The following TMOD2 variants were observed in gnomAD, a reference collection of about 807,000 sequenced individuals.
TMOD2 encodes tropomodulin-2.
TMOD2 carries 22 observed loss-of-function variants against 39.9 expected under a neutral mutation model. The ratio of observed to expected loss-of-function variants is 0.55; its 90% CI spans 0.39 to 0.79. The LOEUF (loss-of-function observed/expected upper bound fraction) is 0.79, where lower values mean the gene tolerates loss of function less well. Among genes scored for constraint, TMOD2 ranks in the 30% least tolerant of loss-of-function variants. TMOD2 has a pLI of 0.00. For synonymous variants in TMOD2, 123 were observed against 146.1 expected, an observed-to-expected ratio of 0.84 and a Z score of 1.14; for missense variants, 386 against 413.3, an observed-to-expected ratio of 0.93 and a Z score of 0.57.
chr15:51,771,560 G>A (rs2055853944), intron 3 of TMOD2, among the ~76,000 whole-genome samples: 1 of 152,210 alleles, frequency 6.6e-6, no homozygotes, highest in South Asian at 2.1e-4. Flanking sequence ...AGCACTTTGG[G>A]AGGCCAAGGC....
chr15:51,789,476 C>G (rs2055994534), intron 7 of TMOD2, among the ~76,000 whole-genome samples: 1 of 152,102 alleles, frequency 6.6e-6, no homozygotes, highest in African/African-American at 2.4e-5. Context: ...ACAAGGATAT[C>G]CAGGACTTGA....
At chr15:51,797,036 T>C (rs542819670) in intron 7 of TMOD2, among the ~76,000 whole-genome samples, 1 of 152,372 alleles carries the variant, frequency 6.6e-6, no homozygotes, top group East Asian at 1.9e-4. Context: ...GATTTCATCA[T>C]ACCACTCAGA....
Position 51,781,651 on chromosome 15 carries a change from T to C in TMOD2, c.624+477T>C, listed in dbSNP as rs75812164. On this transcript the variant is annotated intron_variant, in intron 6 of 9. Transcript: ENST00000249700. ...GGCAGGAGGCCTCCATTTCTCACCA[T>C]GTGGCTCCCCAGAGCGAGTGATCCA... Among the ~76,000 whole-genome samples, 260 of 152,292 alleles carry C rather than the reference T, an allele frequency of 1.7e-3. 11 individuals carry two copies. The highest frequency in any genetic ancestry group is 0.017 in the East Asian group (87 of 5,176).
At chr15:51,760,671 TG>T (rs2055774338) in intron 1 of TMOD2, among the ~76,000 whole-genome samples, 1 of 152,030 alleles carries the variant, frequency 6.6e-6, no homozygotes, top group African/African-American at 2.4e-5. Flanking sequence ...CTGGGTATGG[TG>T]GTGCATGCCT....
At chr15:51,773,191 G>C (rs1409370886) in intron 3 of TMOD2, among the ~76,000 whole-genome samples, 1 of 152,210 alleles carries the variant, frequency 6.6e-6, no homozygotes, top group Non-Finnish European at 1.5e-5. Flanking sequence ...ATAGACATGG[G>C]AAGGGGCTTG....
At chr15:51,753,285 C>T (rs1213467521) in intron 1 of TMOD2, among the ~76,000 whole-genome samples, 1 of 152,166 alleles carries the variant, frequency 6.6e-6, no homozygotes, top group Non-Finnish European at 1.5e-5. Flanking sequence ...TTCAAAGTAT[C>T]TCACCACAGT....
At chr15:51,766,133 G>A (rs1431164848) in intron 1 of TMOD2, among the ~76,000 whole-genome samples, 5 of 152,196 alleles carry the variant, frequency 3.3e-5, no homozygotes, top group Admixed American at 2.6e-4. Flanking sequence ...TATAAAATGG[G>A]AATGATAATA....
intron 7 of TMOD2, among the ~76,000 whole-genome samples, chr15:51,789,938 C>G (rs1317012231): frequency 6.6e-6 from 1 of 152,024 alleles, no homozygotes; most frequent in Admixed American, 6.6e-5. Flanking sequence ...CCTAACATCA[C>G]AATTAAAAGA....
chr15:51,778,185 TA>T (rs1354804339), intron 5 of TMOD2, among the ~76,000 whole-genome samples: 1 of 151,468 alleles, frequency 6.6e-6, no homozygotes, highest in Non-Finnish European at 1.5e-5. Context: ...ATGTCCTTTG[TA>T]GGGACATGGA....
intron 1 of TMOD2, among the ~76,000 whole-genome samples, chr15:51,758,419 A>G (rs2055757407): frequency 6.6e-6 from 1 of 152,214 alleles, no homozygotes; most frequent in Non-Finnish European, 1.5e-5. Context: ...GGAAGGGGCA[A>G]CTTCTGTGGG....
intron 1 of TMOD2, among the ~76,000 whole-genome samples, chr15:51,763,904 T>C (rs2055798343): frequency 6.6e-6 from 1 of 152,146 alleles, no homozygotes; most frequent in African/African-American, 2.4e-5. Context: ...ATCCATTAAG[T>C]AGGGTGCTTC....
chr15:51,778,461 A>G (rs906525363), intron 5 of TMOD2, among the ~76,000 whole-genome samples: 3 of 150,480 alleles, frequency 2.0e-5, no homozygotes, highest in Admixed American at 6.6e-5. Flanking sequence ...CAATGTGCAC[A>G]TGTACCCTAA....
At chr15:51,794,283 A>G (rs2056032646) in intron 7 of TMOD2, among the ~76,000 whole-genome samples, 1 of 152,216 alleles carries the variant, frequency 6.6e-6, no homozygotes. Context: ...TTCTCATCCA[A>G]TATTGGGACT....
At chr15:51,804,364 T>C (rs2056108588) in intron 8 of TMOD2, among the ~76,000 whole-genome samples, 1 of 152,178 alleles carries the variant, frequency 6.6e-6, no homozygotes, top group Non-Finnish European at 1.5e-5. Flanking sequence ...TATGCTAGTA[T>C]AATCCATTAA....
chr15:51,807,213 A>C (rs1220852131), intron 9 of TMOD2, among the ~76,000 whole-genome samples: 1 of 152,220 alleles, frequency 6.6e-6, no homozygotes, highest in Non-Finnish European at 1.5e-5. Context: ...AGTCAATAGC[A>C]GGCTTCAATC....
At chr15:51,753,854 T>C (rs1192245710) in intron 1 of TMOD2, among the ~76,000 whole-genome samples, 1 of 151,990 alleles carries the variant, frequency 6.6e-6, no homozygotes, top group Non-Finnish European at 1.5e-5. Context: ...AGAAAACAAA[T>C]GTTTATTGTA....
chr15:51,805,126 T>G (rs1337468609), intron 8 of TMOD2, among the ~76,000 whole-genome samples: 1 of 151,752 alleles, frequency 6.6e-6, no homozygotes, highest in Non-Finnish European at 1.5e-5. Context: ...GCCCAGCAAA[T>G]TTTTTGTATT....
At chr15:51,764,360 C>T (rs1197491179) in intron 1 of TMOD2, among the ~76,000 whole-genome samples, 3 of 152,108 alleles carry the variant, frequency 2.0e-5, no homozygotes, top group Non-Finnish European at 4.4e-5. Flanking sequence ...AAGAGCGTTG[C>T]ATTGCATGTG....
chr15:51,773,902 G>T, intron 4 of TMOD2, 68 bp downstream of exon 4: 1 of 1,520,060 alleles, frequency 6.6e-7, no homozygotes, highest in Non-Finnish European at 8.8e-7. Flanking sequence ...TGGCACCCAT[G>T]GCAGCAGGCT....
Sources: gnomAD v4.1 joint callset for allele counts (sites outside exome capture counted in the v4.1 genomes callset) on GRCh38, gnomAD v4.1.1 for gene constraint, MANE v1.5 for transcripts, NCBI Gene and HGNC (gene_info 2026-07-23, HGNC 2026-07-21) for gene names.